The following SLFN12L variants were observed in gnomAD, a reference collection of about 807,000 sequenced individuals.
SLFN12L encodes schlafen family member 12 like.
In SLFN12L, 34 loss-of-function variants were observed where a neutral mutation model predicts 34.8. That is an observed-to-expected ratio of 0.98 (90% CI 0.74 to 1.30). The LOEUF (loss-of-function observed/expected upper bound fraction) is 1.30. Ranked by LOEUF, SLFN12L falls within the 50% of genes most tolerant of loss-of-function variation. SLFN12L has a pLI of 0.00. For synonymous variants in SLFN12L, 259 were observed against 247.5 expected, an observed-to-expected ratio of 1.05 and a Z score of -0.44; for missense variants, 703 against 696.2, an observed-to-expected ratio of 1.01 and a Z score of -0.11.
At position 35,522,459 on chromosome 17, in the gene SLFN12L, T is replaced by G; in HGVS notation, c.-95A>C. ...GAAGCTTCTGGAGAATATCTCATAC[T>G]GCTGGGCTGTGAGCAGATTTAAAAC... On this transcript the variant is annotated 5_prime_UTR_variant, in exon 2 of 5. Coordinates refer to ENST00000628453, the MANE Select transcript of SLFN12L (RefSeq NM_001363830.2). The G allele has an allele frequency of 6.2e-7, 1 of 1,613,950 alleles. No individual in the cohort carries two copies. Among genetic ancestry groups the G allele is most frequent in the Non-Finnish European group, 8.5e-7 (1 of 1,179,890 alleles).
intron 1 of SLFN12L, among the ~76,000 whole-genome samples, chr17:35,524,198 C>T (rs748562708): frequency 6.6e-6 from 1 of 152,154 alleles, no homozygotes; most frequent in Non-Finnish European, 1.5e-5. Context: ...TTATGACATA[C>T]ATCTAGATTT....
chr17:35,474,964 A>T lies in SLFN12L; in HGVS notation c.1798T>A (p.Cys600Ser), dbSNP rs889397897. The change falls in exon 5 of 5, where the codon TGT (cysteine) becomes AGT (serine). Residue 600 changes from cysteine to serine, a missense_variant. Transcript: ENST00000628453. Reference sequence around the variant, plus strand: ...CAAACAAACCAACAAACAAACAAACAAAAACGAAACAAACAAACAAACAAA... The same window carrying T: ...CAAACAAACCAACAAACAAACAAACTAAAACGAAACAAACAAACAAACAAA... ...IFLFVCLFRF[C>S]LFVCWFVCFF... 1 of 1,552,410 alleles carries T rather than the reference A, an allele frequency of 6.4e-7. No individual in the cohort carries two copies. The highest frequency in any genetic ancestry group is 8.7e-7 in the Non-Finnish European group (1 of 1,147,378).
chr17:35,478,232 T>A, intron 3 of SLFN12L, 47 bp from the exon 4 acceptor site: 2 of 1,273,708 alleles, frequency 1.6e-6, no homozygotes. Context: ...TAATTTGGCA[T>A]GGGAGAGACT....
chr17:35,485,222 T>C (rs965680247), intron 2 of SLFN12L, among the ~76,000 whole-genome samples: 1 of 152,186 alleles, frequency 6.6e-6, no homozygotes, highest in Non-Finnish European at 1.5e-5. Context: ...GTATAGTCAT[T>C]TTGACTAGAT....
rs544040564 is a variant in SLFN12L, at chr17:35,471,541, C to T, written c.*3382G>A. 3.9e-5 allele frequency among the ~76,000 whole-genome samples: 6 copies of T among 152,256 alleles called. No individual in the cohort carries two copies. Among genetic ancestry groups the T allele is most frequent in the Non-Finnish European group, 5.9e-5 (4 of 68,032 alleles). On this transcript the variant is annotated 3_prime_UTR_variant, in exon 5 of 5. Coordinates refer to ENST00000628453, the MANE Select transcript of SLFN12L (RefSeq NM_001363830.2). ...TTCTGGTTCTAGATCCTTGAGGAAT[C>T]GCCACACTGTCTTCCACAATGGTTG...
chr17:35,502,598 GA>G (rs35043538), intron 2 of SLFN12L, among the ~76,000 whole-genome samples: 7,406 of 139,172 alleles, frequency 0.053, 257 homozygotes, highest in South Asian at 0.13. Flanking sequence ...GCAATTGAAG[GA>G]AAAAAAAAAA....
At chr17:35,518,551 A>T (rs1217575565) in intron 2 of SLFN12L, among the ~76,000 whole-genome samples, 13 of 98,452 alleles carry the variant, frequency 1.3e-4, no homozygotes, top group African/African-American at 5.9e-4. Flanking sequence ...ACTGTATTTA[A>T]AAAAAAAAAA....
chr17:35,518,134 C>T (rs1381070134), intron 2 of SLFN12L, among the ~76,000 whole-genome samples: 2 of 152,074 alleles, frequency 1.3e-5, no homozygotes, highest in Non-Finnish European at 2.9e-5. Context: ...AAAATTTTTG[C>T]AATCTACCAT....
chr17:35,487,528 G>A (rs1914636523), intron 2 of SLFN12L, among the ~76,000 whole-genome samples: 1 of 151,988 alleles, frequency 6.6e-6, no homozygotes, highest in Admixed American at 6.6e-5. Flanking sequence ...CAGTGGAGCG[G>A]GACGAATTTA....
At position 35,475,075 on chromosome 17, in the gene SLFN12L, C is replaced by T; in HGVS notation, c.1687G>A (p.Glu563Lys). Residue 563 changes from glutamate to lysine, a missense_variant, in exon 5 of 5, where the codon GAA becomes AAA. Physicochemically the swap from Glu to Lys is moderately conservative, Grantham distance 56. Transcript: ENST00000628453. ...YDLNSQVIYP[E>K]SYYWTTAQTM... ...TGAGCTGTTGTCCAATAGTAGGATT[C>T]AGGGTAAATTACTTGCGAGTTTAAA... 6.2e-7 allele frequency: 1 copy of T among 1,614,078 alleles called. No individual in the cohort carries two copies. Among genetic ancestry groups the T allele is most frequent in the Non-Finnish European group, 8.5e-7 (1 of 1,179,958 alleles).
chr17:35,509,967 G>C (rs1420980406), intron 2 of SLFN12L: 2 of 152,272 alleles, frequency 1.3e-5, no homozygotes, highest in African/African-American at 2.4e-5. Flanking sequence ...AAAGTGCTGG[G>C]ATTACAGGCG....
At chr17:35,511,781 A>T (rs573463739) in intron 2 of SLFN12L, among the ~76,000 whole-genome samples, 1 of 152,294 alleles carries the variant, frequency 6.6e-6, no homozygotes, top group African/African-American at 2.4e-5. Context: ...AATAAATAAA[A>T]AACATAACAG....
intron 2 of SLFN12L, among the ~76,000 whole-genome samples, chr17:35,504,371 C>T (rs1381105052): frequency 6.6e-6 from 1 of 152,130 alleles, no homozygotes; most frequent in Non-Finnish European, 1.5e-5. Flanking sequence ...TTGTAATTTC[C>T]TAAAATCATA....
At chr17:35,503,506 G>C (rs914765681) in intron 2 of SLFN12L, among the ~76,000 whole-genome samples, 2 of 151,958 alleles carry the variant, frequency 1.3e-5, no homozygotes, top group African/African-American at 2.4e-5. Flanking sequence ...TAGCTTATCT[G>C]GTATAAAAAT....
intron 2 of SLFN12L, among the ~76,000 whole-genome samples, chr17:35,514,251 G>C (rs1349460600): frequency 6.6e-6 from 1 of 152,194 alleles, no homozygotes; most frequent in East Asian, 1.9e-4. Context: ...ACTGGAAGGT[G>C]GTAATGTTAA....
Position 35,479,601 on chromosome 17 carries a change from A to T in SLFN12L, c.681T>A (p.Phe227Leu), listed in dbSNP as rs769043231. ...CTTTATAACCAAGTTCTGTTCTGTTAAAAAAATCAGCAGCCAAGGCTTCCA... is the reference window on the plus strand; with the variant it reads ...CTTTATAACCAAGTTCTGTTCTGTTTAAAAAATCAGCAGCCAAGGCTTCCA... ...SNMEALAADF[F>L]NRTELGYKEK... Residue 227 changes from phenylalanine (F) to leucine (L), a missense_variant, in exon 3 of 5, where the codon TTT becomes TTA. Physicochemically the swap from Phe to Leu is conservative, Grantham distance 22. Transcript: ENST00000628453. The T allele has an allele frequency of 6.2e-7, 1 of 1,612,406 alleles. No individual in the cohort carries two copies. Among genetic ancestry groups the T allele is most frequent in the Non-Finnish European group, 8.5e-7 (1 of 1,179,398 alleles).
intron 2 of SLFN12L, among the ~76,000 whole-genome samples, chr17:35,512,150 ATTTTTTT>A (rs34171279): frequency 2.9e-5 from 2 of 69,186 alleles, no homozygotes; most frequent in Admixed American, 1.7e-4. Flanking sequence ...AAAAGAGCTG[ATTTTTTT>A]TTTTTTTTTT....
In SLFN12L at chr17:35,479,328, G is replaced by C. The variant is rs1914184558; in HGVS notation, c.954C>G (p.Phe318Leu). 1.9e-6 allele frequency: 3 copies of C among 1,587,694 alleles called. No homozygotes were observed. Among genetic ancestry groups the C allele is most frequent in the Non-Finnish European group, 2.6e-6 (3 of 1,165,332 alleles). Residue 318 changes from phenylalanine to leucine, a missense_variant, in exon 3 of 5, where the codon TTC becomes TTG. Transcript: ENST00000628453. The stretch of plus-strand genomic sequence containing the variant: ...AATTTATCGTCCCCTTCTCCACACA[G>C]AAGTGATGCACAGGCAGTTTCCCAA... Reference protein sequence around the residue: ...NSIGKLPVHHFCVEKGTINYL... With the variant: ...NSIGKLPVHHLCVEKGTINYL...
rs143576207 is a variant in SLFN12L at position 35,537,039 on chromosome 17, C to T, written c.-606+534G>A. On this transcript the variant is annotated intron_variant, in intron 1 of 4. Coordinates refer to ENST00000628453, the MANE Select transcript of SLFN12L (RefSeq NM_001363830.2). ...GAAACGAAAAAAATTAGCCAGGCACCCTCACGCTCAGTGCCTGTAGTCCCC... is the reference window on the plus strand; with the variant it reads ...GAAACGAAAAAAATTAGCCAGGCACTCTCACGCTCAGTGCCTGTAGTCCCC... 3.5e-3 allele frequency among the ~76,000 whole-genome samples: 536 copies of T among 152,020 alleles called. 6 individuals carry two copies. The highest frequency in any genetic ancestry group is 0.012 in the African/African-American group (515 of 41,448).
Sources: gnomAD v4.1 joint callset for allele counts (sites outside exome capture counted in the v4.1 genomes callset) on GRCh38, gnomAD v4.1.1 for gene constraint, MANE v1.5 for transcripts, NCBI Gene and HGNC (gene_info 2026-07-23, HGNC 2026-07-21) for gene names.